KLHL25: variants seen among roughly 807,000 people sequenced by gnomAD.
The protein encoded by KLHL25 is kelch-like protein 25.
A neutral mutation model predicts 30.0 loss-of-function variants in KLHL25; 41 were observed. The observed-to-expected ratio is 1.37, with a 90% CI of 1.07 to 1.78. The LOEUF is 1.78. Among genes scored for constraint, KLHL25 ranks in the 40% most tolerant of loss-of-function variants. The pLI is 0.00. For missense variants in KLHL25, 971 were observed against 824.5 expected (o/e 1.18, Z -2.18); for synonymous variants, 399 against 355.3 (o/e 1.12, Z -1.38).
In KLHL25 at chr15:85,768,045, G is replaced by C; in HGVS notation, c.1766C>G (p.Ala589Gly). The change falls in exon 2 of 3, where the codon GCG (alanine) becomes GGG (glycine). Residue 589 changes from alanine to glycine, a missense_variant. Physicochemically the swap from Ala to Gly is moderately conservative, Grantham distance 60. Coordinates refer to ENST00000337975, the MANE Select transcript of KLHL25 (RefSeq NM_022480.4). ...GCTGGGCTCAGCAGGTGCTCCTCAC[G>C]CGGGCAGGTGCTTCCAGGTGCTGAC... The part of the protein sequence containing the change: ...AFVSTWKHLP[A>G] 1.9e-6 allele frequency: 3 copies of C among 1,609,110 alleles called. No homozygotes were observed. Among genetic ancestry groups the C allele is most frequent in the Admixed American group, 3.3e-5 (2 of 59,876 alleles).
At chr15:85,772,806 C>A (rs542042623) in intron 1 of KLHL25, among the ~76,000 whole-genome samples, 10 of 152,264 alleles carry the variant, frequency 6.6e-5, no homozygotes, top group Non-Finnish European at 1.5e-4. Flanking sequence ...CTGACAGATA[C>A]CCTGCCAAAG....
intron 1 of KLHL25, among the ~76,000 whole-genome samples, chr15:85,779,013 A>G (rs2089727634): frequency 6.6e-6 from 1 of 151,892 alleles, no homozygotes; most frequent in South Asian, 2.1e-4. Context: ...ACTCAAAGGC[A>G]ACGTATGGAT....
At chr15:85,794,531 G>A (rs1447474264) in intron 1 of KLHL25, among the ~76,000 whole-genome samples, 4 of 152,188 alleles carry the variant, frequency 2.6e-5, no homozygotes, top group Non-Finnish European at 4.4e-5. Flanking sequence ...CCCTCGCGCA[G>A]AGCTCTCGGC....
chr15:85,780,345 A>C (rs1038546474), intron 1 of KLHL25, among the ~76,000 whole-genome samples: 5 of 152,228 alleles, frequency 3.3e-5, no homozygotes, highest in African/African-American at 9.6e-5. Context: ...AGACAGAAAC[A>C]AAGAGGGGCA....
At position 85,759,716 on chromosome 15, in the gene KLHL25, CTGGTA is replaced by C. The variant is rs1347689308; in HGVS notation, c.*1315_*1319del. The C allele has an allele frequency of 6.6e-6, 1 of 152,296 alleles. No individual in the cohort carries two copies. Among genetic ancestry groups the C allele is most frequent in the Non-Finnish European group, 1.5e-5 (1 of 68,096 alleles). The allele number at this position is 152,296 out of a possible 1,614,324, so 9.4% of individuals were successfully genotyped here. A position where few individuals can be genotyped will look rare whatever the true frequency, so the allele number is the denominator to read the frequency against. On this transcript the variant is annotated 3_prime_UTR_variant, in exon 3 of 3. Transcript: ENST00000337975. ...GGGACACTCGTGGCTGCTTAAGTAA[CTGGTA>C]TGTGCACAGCCCCCTCCGCGGCCCT...
intron 1 of KLHL25, among the ~76,000 whole-genome samples, chr15:85,782,445 T>C (rs2089749757): frequency 6.6e-6 from 1 of 151,872 alleles, no homozygotes; most frequent in Non-Finnish European, 1.5e-5. Context: ...ATCCAAGCTG[T>C]GTTCAATCGG....
rs1164998141 is a variant in KLHL25, at chr15:85,768,526, G to T, written c.1285C>A (p.Pro429Thr). 1 of 1,613,638 alleles carries T rather than the reference G, an allele frequency of 6.2e-7. No individual in the cohort carries two copies. Among genetic ancestry groups the T allele is most frequent in the South Asian group, 1.1e-5 (1 of 91,080 alleles). The stretch of plus-strand genomic sequence containing the variant: ...GCATTGCTGACGCCATCCCGCAAGG[G>T]GGCCACCATCATCCACTTGTTGGCC... ...PGANKWMMVAPLRDGVSNAAV... is the reference protein window; with the variant it reads ...PGANKWMMVATLRDGVSNAAV... Residue 429 changes from proline to threonine, a missense_variant, in exon 2 of 3, where the codon CCC becomes ACC. Physicochemically the swap from Pro to Thr is conservative, Grantham distance 38. Transcript: ENST00000337975.
chr15:85,762,134 C>T (rs907400526), intron 2 of KLHL25: 1 of 152,266 alleles, frequency 6.6e-6, no homozygotes, highest in Admixed American at 6.5e-5. Flanking sequence ...GAGAAGGCCC[C>T]CAAATCCCTT....
chr15:85,759,908 C>T lies in KLHL25; in HGVS notation c.*1128G>A, dbSNP rs1206049325. ...AGGATGGTCACTGACAGGCGCCAAC[C>T]TCTCCATAGCCCAGGTGTCAGGGAG... On this transcript the variant is annotated 3_prime_UTR_variant, in exon 3 of 3. Coordinates refer to ENST00000337975, the MANE Select transcript of KLHL25 (RefSeq NM_022480.4). 6.6e-6 allele frequency: 1 copy of T among 152,292 alleles called. No homozygotes were observed. Among genetic ancestry groups the T allele is most frequent in the Non-Finnish European group, 1.5e-5 (1 of 68,092 alleles). 9.4% of individuals were successfully genotyped at this position (152,292 alleles called of 1,614,324 possible). A position where few individuals can be genotyped will look rare whatever the true frequency, so the allele number is the denominator to read the frequency against.
intron 2 of KLHL25, chr15:85,764,501 G>C (rs572395240): frequency 6.6e-6 from 1 of 152,466 alleles, no homozygotes; most frequent in African/African-American, 2.4e-5. Flanking sequence ...ACATGGCTCT[G>C]GGATGACAGG....
rs1341798378 is a variant in KLHL25 at position 85,769,779 on chromosome 15, G to A, written c.32C>T (p.Ser11Leu). 13 of 1,611,648 alleles carry A rather than the reference G, an allele frequency of 8.1e-6. No homozygotes were observed. The highest frequency in any genetic ancestry group is 5.0e-5 in the Admixed American group (3 of 59,998). Residue 11 changes from serine to leucine, a missense_variant, in exon 2 of 3, where the codon TCG (serine) becomes TTG (leucine). Coordinates refer to ENST00000337975, the MANE Select transcript of KLHL25 (RefSeq NM_022480.4). ...GTTCATGGACCCCGTGCTGCTCCGC[G>A]ACTTGCGGGTCTCATGGACACTGAC... MSVSVHETRK[S>L]RSSTGSMNVT...
chr15:85,775,864 TAAAAAAAAAAAAA>T (rs10535328), intron 1 of KLHL25, among the ~76,000 whole-genome samples: 2 of 89,062 alleles, frequency 2.2e-5, no homozygotes, highest in Admixed American at 1.3e-4. Context: ...ATGGCTCGTT[TAAAAAAAAAAAAA>T]AAAAAAAAAA....
chr15:85,762,388 CAG>C (rs1176506592), intron 2 of KLHL25: 2 of 152,318 alleles, frequency 1.3e-5, no homozygotes, highest in African/African-American at 4.8e-5. Context: ...ATACAGATGA[CAG>C]CTAGAGGCAC....
chr15:85,775,401 G>A (rs868226009), intron 1 of KLHL25, among the ~76,000 whole-genome samples: 56 of 152,222 alleles, frequency 3.7e-4, no homozygotes, highest in Non-Finnish European at 3.5e-4. Flanking sequence ...AGTGATTCAC[G>A]GCCACCCTGC....
In KLHL25 at chr15:85,769,237, T is replaced by C. The variant is rs754181503; in HGVS notation, c.574A>G (p.Thr192Ala). 4.3e-6 allele frequency: 7 copies of C among 1,613,750 alleles called. No individual in the cohort carries two copies. The highest frequency in any genetic ancestry group is 5.9e-6 in the Non-Finnish European group (7 of 1,180,038). Residue 192 changes from threonine (T) to alanine (A), a missense_variant, in exon 2 of 3, where the codon ACA (threonine) becomes GCA (alanine). Transcript: ENST00000337975. ...SEDFNSLSKDTLLDLISSDEL... is the reference protein window; with the variant it reads ...SEDFNSLSKDALLDLISSDEL... ...TCACTCGAGATGAGGTCCAGCAGTGTGTCCTTGGACAGGCTGTTGAAGTCC... is the reference window on the plus strand; with the variant it reads ...TCACTCGAGATGAGGTCCAGCAGTGCGTCCTTGGACAGGCTGTTGAAGTCC...
intron 2 of KLHL25, among the ~76,000 whole-genome samples, chr15:85,766,636 A>C (rs1402308823): frequency 6.6e-6 from 1 of 151,562 alleles, no homozygotes; most frequent in Non-Finnish European, 1.5e-5. Flanking sequence ...GGCCTGGCTC[A>C]AACTGCTCCC....
intron 1 of KLHL25, chr15:85,770,897 A>T (rs1302717473): frequency 1.7e-5 from 5 of 301,346 alleles, no homozygotes; most frequent in African/African-American, 4.4e-5. Flanking sequence ...CACTGTCATT[A>T]ATGTCCAGTG....
At chr15:85,764,362 AG>A (rs1210059101) in intron 2 of KLHL25, 2 of 152,582 alleles carry the variant, frequency 1.3e-5, no homozygotes, top group Admixed American at 1.3e-4. Flanking sequence ...GGCTGCGCGG[AG>A]GGTCTCTGGA....
At chr15:85,769,855 C>A (rs1427805049) in intron 1 of KLHL25, 35 bp from the exon 2 acceptor site, 1 of 1,533,950 alleles carries the variant, frequency 6.5e-7, no homozygotes, top group Admixed American at 1.8e-5. Flanking sequence ...TTAGAGGAGC[C>A]CCTCCTGCCC....
Sources: gnomAD v4.1 joint callset for allele counts (sites outside exome capture counted in the v4.1 genomes callset) on GRCh38, gnomAD v4.1.1 for gene constraint, MANE v1.5 for transcripts, NCBI Gene and HGNC (gene_info 2026-07-23, HGNC 2026-07-21) for gene names.